The following BRINP1 variants were observed in gnomAD, a reference collection of about 807,000 sequenced individuals.
The protein encoded by BRINP1 is BMP/retinoic acid-inducible neural-specific protein 1.
Under a neutral mutation model 72.9 loss-of-function variants are expected in BRINP1, and 17 were observed. The observed-to-expected ratio is 0.23, with a 90% CI of 0.16 to 0.35. BRINP1 has a LOEUF of 0.35. Among genes scored for constraint, BRINP1 ranks in the 10% least tolerant of loss-of-function variants. BRINP1 has a pLI of 1.00. For synonymous variants in BRINP1, 418 were observed against 378.5 expected (o/e 1.10, Z -1.21); for missense variants, 850 against 1,001.6 (o/e 0.85, Z 2.04).
At chr9:119,231,343 A>T (rs912354663) in intron 5 of BRINP1, among the ~76,000 whole-genome samples, 3 of 151,872 alleles carry the variant, frequency 2.0e-5, no homozygotes, top group Non-Finnish European at 2.9e-5. Context: ...GACCCTATTC[A>T]CTCTTGCCTG....
chr9:119,289,740 TAGA>T (rs1028382938), intron 2 of BRINP1, among the ~76,000 whole-genome samples: 3 of 152,226 alleles, frequency 2.0e-5, no homozygotes, highest in African/African-American at 7.2e-5. Flanking sequence ...CTCAGAAACC[TAGA>T]AGAACCCATG....
chr9:119,296,352 A>G (rs1168674294), intron 2 of BRINP1, among the ~76,000 whole-genome samples: 3 of 152,190 alleles, frequency 2.0e-5, no homozygotes, highest in African/African-American at 2.4e-5. Flanking sequence ...ATTACCTTGC[A>G]CGTGTTAGAA....
At chr9:119,280,275 A>G (rs897129699) in intron 2 of BRINP1, among the ~76,000 whole-genome samples, 2 of 150,942 alleles carry the variant, frequency 1.3e-5, no homozygotes, top group Non-Finnish European at 2.9e-5. Context: ...GTCTCGCTCT[A>G]TCGCCCAGGC....
At chr9:119,327,857 G>A (rs570859249) in intron 1 of BRINP1, among the ~76,000 whole-genome samples, 1 of 152,158 alleles carries the variant, frequency 6.6e-6, no homozygotes, top group South Asian at 2.1e-4. Context: ...TGCATTTGAG[G>A]TGTCCATTGA....
chr9:119,203,024 G>C (rs910913406), intron 7 of BRINP1, among the ~76,000 whole-genome samples: 1 of 152,006 alleles, frequency 6.6e-6, no homozygotes, highest in Non-Finnish European at 1.5e-5. Context: ...CATGTTCAGG[G>C]CCATTTCCTG....
chr9:119,171,655 C>T, intron 7 of BRINP1, among the ~76,000 whole-genome samples: 1 of 104,684 alleles, frequency 9.6e-6, no homozygotes, highest in Admixed American at 1.1e-4. Context: ...ACAGAACTCT[C>T]CACCCCAAAT....
At chr9:119,264,064 A>G (rs1006898778) in intron 2 of BRINP1, among the ~76,000 whole-genome samples, 1 of 151,878 alleles carries the variant, frequency 6.6e-6, no homozygotes, top group Non-Finnish European at 1.5e-5. Flanking sequence ...TTACCTTAGG[A>G]CTCTGTTTCC....
At position 119,368,687 on chromosome 9, in the gene BRINP1, CTCTT is replaced by C. The variant is rs1831721117; in HGVS notation, c.-51+365_-51+368del. ...CGTAAGTAGGTTATAGGACCTCTCT[CTCTT>C]CACCCCTCCCTTACACACACGGACA... is the stretch of plus-strand genomic sequence containing the variant. On this transcript the variant is annotated intron_variant, in intron 1 of 7. Transcript: ENST00000265922. The surrounding 1 kb of genome is among the most constrained non-coding windows in gnomAD (Gnocchi z 4.7). 1.3e-5 allele frequency among the ~76,000 whole-genome samples: 2 copies of C among 152,224 alleles called. No individual in the cohort carries two copies. Among genetic ancestry groups the C allele is most frequent in the African/African-American group, 4.8e-5 (2 of 41,552 alleles).
chr9:119,293,552 C>T (rs1352893013), intron 2 of BRINP1, among the ~76,000 whole-genome samples: 1 of 152,166 alleles, frequency 6.6e-6, no homozygotes, highest in Non-Finnish European at 1.5e-5. Context: ...AAAGTCACAT[C>T]AGAAGACTTA....
intron 3 of BRINP1, among the ~76,000 whole-genome samples, chr9:119,243,536 T>C (rs933117498): frequency 3.3e-5 from 5 of 152,228 alleles, no homozygotes; most frequent in East Asian, 1.9e-4. Flanking sequence ...ATCTTTGTAA[T>C]AGAATGATTT....
intron 7 of BRINP1, among the ~76,000 whole-genome samples, chr9:119,199,469 T>A (rs1829781081): frequency 6.6e-6 from 1 of 152,184 alleles, no homozygotes; most frequent in Non-Finnish European, 1.5e-5. Context: ...CTGAAGTTGA[T>A]GCCCCCAAGA....
chr9:119,173,945 C>T (rs1431261497), intron 7 of BRINP1, among the ~76,000 whole-genome samples: 1 of 127,042 alleles, frequency 7.9e-6, no homozygotes, highest in South Asian at 2.4e-4. Flanking sequence ...ATGTAGAAAG[C>T]TGAAACTGGA....
At chr9:119,324,498 C>A (rs1030629473) in intron 1 of BRINP1, among the ~76,000 whole-genome samples, 31 of 152,158 alleles carry the variant, frequency 2.0e-4, no homozygotes, top group African/African-American at 7.5e-4. Flanking sequence ...GAAAATAATT[C>A]AAGACAACAC....
intron 6 of BRINP1, among the ~76,000 whole-genome samples, chr9:119,211,594 C>T (rs917507604): frequency 2.0e-5 from 3 of 152,160 alleles, no homozygotes; most frequent in African/African-American, 7.2e-5. Flanking sequence ...ATTTGGCCAC[C>T]CACACTCTGG....
rs144791296 is a variant in BRINP1 at position 119,318,841 on chromosome 9, T to TGGGG, written c.-50-5440_-50-5437dup. 6.3e-3 allele frequency among the ~76,000 whole-genome samples: 728 copies of TGGGG among 114,802 alleles called. 10 individuals carry two copies. Among genetic ancestry groups the TGGGG allele is most frequent in the African/African-American group, 0.023 (673 of 29,892 alleles). The allele number at this position is 114,802 out of a possible 152,430, so 75.3% of individuals were successfully genotyped here. Reference sequence around the variant, plus strand: ...AGGTCATACATGGAAGAGAAATGTGTGGGGTGTGTGTGTGTGTGTGTGTGT... The same window carrying TGGGG: ...AGGTCATACATGGAAGAGAAATGTGTGGGGGGGGTGTGTGTGTGTGTGTGTGTGT... On this transcript the variant is annotated intron_variant, in intron 1 of 7. Coordinates refer to ENST00000265922, the MANE Select transcript of BRINP1 (RefSeq NM_014618.3).
chr9:119,173,220 T>C (rs1219060193), intron 7 of BRINP1, among the ~76,000 whole-genome samples: 1 of 151,332 alleles, frequency 6.6e-6, no homozygotes, highest in Non-Finnish European at 1.5e-5. Flanking sequence ...CATGACTGTA[T>C]ATCTAGAAAA....
rs529313500 is a variant in BRINP1 at position 119,258,499 on chromosome 9, C to T, written c.219-9349G>A. Among the ~76,000 whole-genome samples, 5 of 152,290 alleles carry T rather than the reference C, an allele frequency of 3.3e-5. No homozygotes were observed. The South Asian group carries it at 1.0e-3, about 32-fold the overall frequency. On this transcript the variant is annotated intron_variant, in intron 2 of 7. Coordinates refer to ENST00000265922, the MANE Select transcript of BRINP1 (RefSeq NM_014618.3). ...AAAGGGCCCAGTGTTTCCTGAGATA[C>T]ACTCCATGCACTGGAACTGCTCACT...
intron 2 of BRINP1, among the ~76,000 whole-genome samples, chr9:119,289,171 C>T (rs920465509): frequency 6.6e-6 from 1 of 152,196 alleles, no homozygotes; most frequent in African/African-American, 2.4e-5. Flanking sequence ...GGAGAAAGAG[C>T]ATTCTAAAGC....
At chr9:119,353,522 G>T (rs1023821750) in intron 1 of BRINP1, among the ~76,000 whole-genome samples, 1 of 152,150 alleles carries the variant, frequency 6.6e-6, no homozygotes. Flanking sequence ...TCATGTTAGA[G>T]TTCCTTCCTT....
Sources: allele counts gnomAD v4.1 joint callset (sites outside exome capture counted in the v4.1 genomes callset), GRCh38; gene constraint gnomAD v4.1.1; non-coding constraint Gnocchi (gnomAD v3.1); transcripts MANE v1.5; gene names NCBI Gene and HGNC (gene_info 2026-07-23, HGNC 2026-07-21).